DNAH10: variants seen among roughly 807,000 people sequenced by gnomAD.
The protein encoded by DNAH10 is axonemal beta dynein heavy chain 10.
A neutral mutation model predicts 506.6 loss-of-function variants in DNAH10; 348 were observed. The observed-to-expected ratio is 0.69, with a 90% CI of 0.63 to 0.75. The LOEUF is 0.75. Ranked by LOEUF, DNAH10 falls within the 30% of genes least tolerant of loss-of-function variation. DNAH10 has a pLI of 0.00. For synonymous variants in DNAH10, 2,059 were observed against 2,198.6 expected (o/e 0.94, Z 1.78); for missense variants, 5,179 against 5,787.1 (o/e 0.89, Z 3.41).
intron 43 of DNAH10, among the ~76,000 whole-genome samples, chr12:123,869,049 G>A (rs1951922364): frequency 6.6e-6 from 1 of 152,150 alleles, no homozygotes; most frequent in South Asian, 2.1e-4. Context: ...TGGCCCTGTG[G>A]GCATCCCATT....
chr12:123,926,835 A>T lies in DNAH10; in HGVS notation c.12105+15A>T. On this transcript the variant is annotated intron_variant, in intron 69 of 78. Coordinates refer to ENST00000673944, the MANE Select transcript of DNAH10 (RefSeq NM_001372106.1). The surrounding 1 kb of genome is among the most constrained non-coding windows in gnomAD (Gnocchi z 4.1). Reference sequence around the variant, plus strand: ...GTCAAGAAAAGGTAATTTGTGGCTGAAAGGAACAAGCTCTACGTTTAGGGG... The same window carrying T: ...GTCAAGAAAAGGTAATTTGTGGCTGTAAGGAACAAGCTCTACGTTTAGGGG... 1 of 1,613,146 alleles carries T rather than the reference A, an allele frequency of 6.2e-7. No individual in the cohort carries two copies. The highest frequency in any genetic ancestry group is 8.5e-7 in the Non-Finnish European group (1 of 1,179,740).
chr12:123,908,417 T>C (rs1953910688), intron 57 of DNAH10: 2 of 456,136 alleles, frequency 4.4e-6, no homozygotes, highest in Non-Finnish European at 8.8e-6. Flanking sequence ...GACCTCTGTC[T>C]CCTGCTCTTC....
intron 67 of DNAH10, among the ~76,000 whole-genome samples, chr12:123,924,784 G>A (rs547249471): frequency 6.6e-6 from 1 of 150,952 alleles, no homozygotes; most frequent in Admixed American, 6.6e-5. Flanking sequence ...CTACACACCC[G>A]TCCATCCAAG....
chr12:123,908,423 T>C (rs1953911237), intron 57 of DNAH10: 1 of 456,126 alleles, frequency 2.2e-6, no homozygotes, highest in African/African-American at 2.0e-5. Flanking sequence ...TGTCTCCTGC[T>C]CTTCTCTCCT....
rs1052030984 is a variant in DNAH10, at chr12:123,853,390, T to C, written c.6438+38T>C. The C allele has an allele frequency of 6.3e-7, 1 of 1,594,774 alleles. No homozygotes were observed. Among genetic ancestry groups the C allele is most frequent in the South Asian group, 1.1e-5 (1 of 87,914 alleles). ...TGCTGGAACATTCTCTGGTTTCAGC[T>C]GCTTCAGGCATTTACTACGTGCCAT... On this transcript the variant is annotated intron_variant, in intron 36 of 78. Transcript: ENST00000673944. This position sits in a 1 kb window ranked among gnomAD's most constrained non-coding sequence, Gnocchi z 4.7.
chr12:123,824,193 G>A (rs1470126806), intron 24 of DNAH10, among the ~76,000 whole-genome samples: 1 of 152,146 alleles, frequency 6.6e-6, no homozygotes, highest in African/African-American at 2.4e-5. Flanking sequence ...TCCTGGAGGT[G>A]TGGATGTGGG....
rs773303103 is a variant in DNAH10, at chr12:123,914,474, A to T, written c.10498A>T (p.Ile3500Phe). The stretch of plus-strand genomic sequence containing the variant: ...GGTCAATCGGATTTGGCAAAATGAC[A>T]TCCTGGAGCGGGAGATCCCCCTGAG... ...EMVNRIWQND[I>F]LEREIPLSQP... Residue 3500 changes from isoleucine to phenylalanine, a missense_variant, in exon 61 of 79, where the codon ATC becomes TTC. This residue lies in a region of DNAH10 where 4,844 missense variants were observed against 5,430.5 expected (regional missense o/e 0.89). Transcript: ENST00000673944. 6.8e-6 allele frequency: 11 copies of T among 1,613,680 alleles called. No individual in the cohort carries two copies. Among genetic ancestry groups the T allele is most frequent in the South Asian group, 5.5e-5 (5 of 91,086 alleles).
intron 16 of DNAH10, among the ~76,000 whole-genome samples, chr12:123,803,039 C>T (rs1001116557): frequency 6.6e-6 from 1 of 152,036 alleles, no homozygotes; most frequent in African/African-American, 2.4e-5. Flanking sequence ...TTTTCTTTCT[C>T]GTAGGAGGGC....
At chr12:123,775,881 A>G (rs1957420061) in intron 5 of DNAH10, among the ~76,000 whole-genome samples, 1 of 152,208 alleles carries the variant, frequency 6.6e-6, no homozygotes, top group Non-Finnish European at 1.5e-5. Context: ...GGCTAAATTG[A>G]GTCACAGTTC....
At chr12:123,767,274 TG>T (rs1351394965) in intron 1 of DNAH10, among the ~76,000 whole-genome samples, 3 of 152,196 alleles carry the variant, frequency 2.0e-5, no homozygotes, top group African/African-American at 7.2e-5. Context: ...CATTTTGAAA[TG>T]TACAGTTTAG....
In DNAH10 at chr12:123,931,400, G is replaced by A. The variant is rs770841840; in HGVS notation, c.12844G>A (p.Ala4282Thr). The change falls in exon 74 of 79, where the codon GCT becomes ACT. Residue 4282 changes from alanine (A) to threonine (T), a missense_variant. Ala to Thr is a moderately conservative substitution (Grantham distance 58). Transcript: ENST00000673944. ...TPEVFGLHPNAEIGYYTQAAR... is the reference protein window; with the variant it reads ...TPEVFGLHPNTEIGYYTQAAR... ...AGAAGTGTTTGGTCTCCACCCCAAC[G>A]CTGAGATTGGCTATTACACGCAGGC... 1.9e-5 allele frequency: 31 copies of A among 1,613,830 alleles called. No individual in the cohort carries two copies. Among genetic ancestry groups the A allele is most frequent in the South Asian group, 1.8e-4 (16 of 91,084 alleles).
intron 53 of DNAH10, 35 bp from the exon 54 acceptor site, chr12:123,894,608 T>TG (rs750113524): frequency 6.3e-7 from 1 of 1,597,012 alleles, no homozygotes; most frequent in East Asian, 2.2e-5. Context: ...TTGCCCAGGC[T>TG]GGGAGCATCT....
Position 123,881,657 on chromosome 12 carries a change from C to T in DNAH10, c.8667C>T (p.Thr2889=). The change falls in exon 51 of 79, where the codon ACC becomes ACT. Residue 2889 remains threonine, a synonymous_variant. Coordinates refer to ENST00000673944, the MANE Select transcript of DNAH10 (RefSeq NM_001372106.1). ...EILEEYNESN[T]KMNLVLFDDA... ...TTGAAGAGTATAATGAAAGCAACAC[C>T]AAAATGAACTTGGTTCTCTTCGACG... 1.3e-6 allele frequency: 2 copies of T among 1,538,586 alleles called. No individual in the cohort carries two copies. Among genetic ancestry groups the T allele is most frequent in the Non-Finnish European group, 1.7e-6 (2 of 1,143,110 alleles).
Position 123,853,427 on chromosome 12 carries a change from T to C in DNAH10, c.6438+75T>C. On this transcript the variant is annotated intron_variant, in intron 36 of 78. Transcript: ENST00000673944. This position sits in a 1 kb window ranked among gnomAD's most constrained non-coding sequence, Gnocchi z 4.7. ...TTACTACGTGCCATTGGGGAGGTGA[T>C]GGGCACAGTATGGTATCACCTGAAA... The C allele has an allele frequency of 6.5e-7, 1 of 1,530,576 alleles. No individual in the cohort carries two copies. Among genetic ancestry groups the C allele is most frequent in the South Asian group, 1.3e-5 (1 of 79,186 alleles). The allele number at this position is 1,530,576 out of a possible 1,614,324, so 94.8% of individuals were successfully genotyped here.
chr12:123,778,074 G>T (rs1309732214), intron 5 of DNAH10, among the ~76,000 whole-genome samples: 1 of 152,054 alleles, frequency 6.6e-6, no homozygotes, highest in African/African-American at 2.4e-5. Context: ...ATGGCTGTGG[G>T]TGTCTGTAGT....
At position 123,879,735 on chromosome 12, in the gene DNAH10, G is replaced by A. The variant is rs1393411204; in HGVS notation, c.8568G>A (p.Leu2856=). The change falls in exon 50 of 79, where the codon CTG becomes CTA. Residue 2856 remains leucine, a synonymous_variant. Transcript: ENST00000673944. ...PILFGDFQMA[L]HEGEPRIYED... ...TGTTTGGAGACTTCCAGATGGCTCTGCACGAAGGAGAACCACGCATTTATG... is the reference window on the plus strand; with the variant it reads ...TGTTTGGAGACTTCCAGATGGCTCTACACGAAGGAGAACCACGCATTTATG... 1.1e-5 allele frequency: 17 copies of A among 1,614,046 alleles called. No homozygotes were observed. Among genetic ancestry groups the A allele is most frequent in the Non-Finnish European group, 1.4e-5 (17 of 1,179,908 alleles).
At position 123,916,770 on chromosome 12, in the gene DNAH10, G is replaced by A; in HGVS notation, c.11002+34G>A. On this transcript the variant is annotated intron_variant, in intron 63 of 78. Coordinates refer to ENST00000673944, the MANE Select transcript of DNAH10 (RefSeq NM_001372106.1). The surrounding 1 kb of genome is among the most constrained non-coding windows in gnomAD (Gnocchi z 4.6). ...GTGTAGAACCTCCACTGCTAATTCA[G>A]ATGGTTATGAGGGAGACCGCAACCT... 1 of 1,575,936 alleles carries A rather than the reference G, an allele frequency of 6.3e-7. No homozygotes were observed. Among genetic ancestry groups the A allele is most frequent in the Non-Finnish European group, 8.6e-7 (1 of 1,161,962 alleles).
rs1960035212 is a variant in DNAH10 at position 123,826,741 on chromosome 12, C to G, written c.4234C>G (p.Leu1412Val). 8 of 1,613,768 alleles carry G rather than the reference C, an allele frequency of 5.0e-6. No individual in the cohort carries two copies. The South Asian group carries it at 5.5e-5, about 11-fold the overall frequency. Reference protein sequence around the residue: ...TLWINLNVQILQEGIEGFLRA... With the variant: ...TLWINLNVQIVQEGIEGFLRA... ...TTGGATCAACCTGAATGTGCAGATT[C>G]TCCAGGAAGGAATTGAAGGTTTTCT... The change falls in exon 25 of 79, where the codon CTC (leucine) becomes GTC (valine). Residue 1412 changes from leucine (L) to valine (V), a missense_variant. Leu to Val is a conservative substitution (Grantham distance 32). Coordinates refer to ENST00000673944, the MANE Select transcript of DNAH10 (RefSeq NM_001372106.1).
At position 123,845,969 on chromosome 12, in the gene DNAH10, A is replaced by C; in HGVS notation, c.5631-2A>C. 2 of 1,613,876 alleles carry C rather than the reference A, an allele frequency of 1.2e-6. No homozygotes were observed. Among genetic ancestry groups the C allele is most frequent in the Non-Finnish European group, 8.5e-7 (1 of 1,179,826 alleles). ...ACTTCCTCCACCTTTCTTGCCGTCCAGTATCCTGGAGGCCCGAGAGTTTGA... is the reference window on the plus strand; with the variant it reads ...ACTTCCTCCACCTTTCTTGCCGTCCCGTATCCTGGAGGCCCGAGAGTTTGA... On this transcript the variant is annotated splice_acceptor_variant, in intron 31 of 78. Coordinates refer to ENST00000673944, the MANE Select transcript of DNAH10 (RefSeq NM_001372106.1). LOFTEE classifies it high-confidence loss of function.
Sources: allele counts gnomAD v4.1 joint callset (sites outside exome capture counted in the v4.1 genomes callset), GRCh38; gene constraint gnomAD v4.1.1; regional missense constraint gnomAD v4.1.1; non-coding constraint Gnocchi (gnomAD v3.1); transcripts MANE v1.5; gene names NCBI Gene and HGNC (gene_info 2026-07-23, HGNC 2026-07-21).